ALKBH3: variants seen among roughly 807,000 people sequenced by gnomAD.
ALKBH3 encodes alkB homolog 3, alpha-ketoglutarate dependent dioxygenase, also known as alpha-ketoglutarate-dependent dioxygenase alkB homolog 3.
In ALKBH3, 51 loss-of-function variants were observed where a neutral mutation model predicts 43.9. That is an observed-to-expected ratio of 1.16 (90% CI 0.93 to 1.47). ALKBH3 has a LOEUF of 1.47. Among genes scored for constraint, ALKBH3 ranks in the 40% most tolerant of loss-of-function variants. The pLI is 0.00. For synonymous variants in ALKBH3, 102 were observed against 115.2 expected (o/e 0.89, Z 0.73); for missense variants, 361 against 351.9 (o/e 1.03, Z -0.21).
chr11:43,918,817 G>A, intron 8 of ALKBH3: 1 of 506,342 alleles, frequency 2.0e-6, no homozygotes, highest in Non-Finnish European at 3.5e-6. Flanking sequence ...GCCCTAGGTG[G>A]CAGTCACTGT....
Position 43,920,078 on chromosome 11 carries a change from A to C in ALKBH3, c.*68A>C. 2 of 1,413,102 alleles carry C rather than the reference A, an allele frequency of 1.4e-6. No individual in the cohort carries two copies. The highest frequency in any genetic ancestry group is 2.0e-6 in the Non-Finnish European group (2 of 1,002,114). The allele number at this position is 1,413,102 out of a possible 1,614,324, so 87.5% of individuals were successfully genotyped here. On this transcript the variant is annotated 3_prime_UTR_variant, in exon 10 of 10. Transcript: ENST00000302708. Reference sequence around the variant, plus strand: ...CCTTCCACTGAGAAGCCACTTCAAGAGGCTGGTGCTGCTAGATCTCATGAT... The same window carrying C: ...CCTTCCACTGAGAAGCCACTTCAAGCGGCTGGTGCTGCTAGATCTCATGAT...
At chr11:43,883,956 A>G (rs777972847) in intron 3 of ALKBH3, 27 bp from the exon 4 acceptor site, 1 of 1,613,190 alleles carries the variant, frequency 6.2e-7, no homozygotes, top group Non-Finnish European at 8.5e-7. Context: ...AACATCCCAG[A>G]AGTAAGATCC....
At chr11:43,883,268 A>C in intron 3 of ALKBH3, 80 bp downstream of exon 3, 1 of 952,766 alleles carries the variant, frequency 1.0e-6, no homozygotes, top group Non-Finnish European at 1.6e-6. Context: ...ACTCAAATAA[A>C]TAATGACTGA....
chr11:43,899,845 C>T (rs1037540209), intron 7 of ALKBH3, among the ~76,000 whole-genome samples: 7 of 144,862 alleles, frequency 4.8e-5, no homozygotes, highest in African/African-American at 1.8e-4. Context: ...AGTTTCTATA[C>T]CAATTAAAAG....
intron 7 of ALKBH3, chr11:43,899,385 C>G: frequency 1.4e-6 from 1 of 702,402 alleles, no homozygotes; most frequent in Non-Finnish European, 2.7e-6. Flanking sequence ...GATGTGCTCG[C>G]GTCCCTGCAG....
intron 4 of ALKBH3, among the ~76,000 whole-genome samples, chr11:43,885,680 A>C (rs1231171456): frequency 1.3e-5 from 2 of 152,208 alleles, no homozygotes; most frequent in African/African-American, 4.8e-5. Context: ...AAATTTAGTA[A>C]ACCTTTATTG....
intron 7 of ALKBH3, among the ~76,000 whole-genome samples, chr11:43,893,623 G>T (rs191229059): frequency 5.3e-4 from 80 of 152,228 alleles, no homozygotes; most frequent in Admixed American, 1.4e-3. Context: ...TATACCTAGA[G>T]AATCTTTTTT....
intron 9 of ALKBH3, chr11:43,919,555 A>C (rs1196069225): frequency 7.0e-6 from 2 of 287,248 alleles, no homozygotes; most frequent in Non-Finnish European, 1.3e-5. Context: ...GATCATTTCT[A>C]AGGTGCACAT....
chr11:43,917,553 A>C (rs2135209061), intron 8 of ALKBH3, among the ~76,000 whole-genome samples: 1 of 152,300 alleles, frequency 6.6e-6, no homozygotes, highest in South Asian at 2.1e-4. Context: ...ATACAGCCTA[A>C]ATTAAGGAGC....
intron 7 of ALKBH3, among the ~76,000 whole-genome samples, chr11:43,900,415 G>C (rs890044565): frequency 6.6e-6 from 1 of 151,288 alleles, no homozygotes; most frequent in Non-Finnish European, 1.5e-5. Flanking sequence ...GTAGAGACAG[G>C]GTTTCACCAT....
intron 6 of ALKBH3, 72 bp downstream of exon 6, chr11:43,889,900 C>T (rs781290369): frequency 4.7e-5 from 59 of 1,261,844 alleles, no homozygotes; most frequent in Non-Finnish European, 6.2e-5. Context: ...AGTACCATCA[C>T]TTCTGCTCAC....
Position 43,901,721 on chromosome 11 carries a change from C to T in ALKBH3, c.665C>T (p.Pro222Leu). The T allele has an allele frequency of 6.2e-7, 1 of 1,614,122 alleles. No homozygotes were observed. The highest frequency in any genetic ancestry group is 1.1e-5 in the South Asian group (1 of 91,064). Residue 222 changes from proline to leucine, a missense_variant, in exon 8 of 10, where the codon CCA becomes CTA. Physicochemically the swap from Pro to Leu is moderately conservative, Grantham distance 98. Coordinates refer to ENST00000302708, the MANE Select transcript of ALKBH3 (RefSeq NM_139178.4). The stretch of plus-strand genomic sequence containing the variant: ...ACATTTGAGATGAGAAAGAAGCCAC[C>T]ACCAGTGAGTATTCTCTTTTTCTTA... ...TRTFEMRKKP[P>L]PEENGDYTYV...
intron 4 of ALKBH3, among the ~76,000 whole-genome samples, chr11:43,884,268 A>G (rs1164629444): frequency 2.0e-5 from 3 of 149,482 alleles, no homozygotes; most frequent in Admixed American, 6.7e-5. Context: ...TCCTGGCCCT[A>G]TTTCACCGAT....
At chr11:43,887,840 G>A (rs188925735) in intron 5 of ALKBH3, among the ~76,000 whole-genome samples, 13 of 151,766 alleles carry the variant, frequency 8.6e-5, no homozygotes, top group African/African-American at 2.9e-4. Context: ...TCAAGCTGGA[G>A]TGCAGTGGCG....
At chr11:43,887,465 G>A (rs1742988660) in intron 5 of ALKBH3, among the ~76,000 whole-genome samples, 1 of 151,994 alleles carries the variant, frequency 6.6e-6, no homozygotes, top group South Asian at 2.1e-4. Context: ...GTGCCACCAA[G>A]CCTGGCTACT....
chr11:43,895,132 T>C (rs1429267354), intron 7 of ALKBH3, among the ~76,000 whole-genome samples: 1 of 152,208 alleles, frequency 6.6e-6, no homozygotes, highest in Non-Finnish European at 1.5e-5. Context: ...CTGACAACCA[T>C]GGGATATACT....
Position 43,919,904 on chromosome 11 carries a change from G to A in ALKBH3, c.769-14G>A, listed in dbSNP as rs565990401. 399 of 1,609,322 alleles carry A rather than the reference G, an allele frequency of 2.5e-4. 2 individuals carry two copies. In the South Asian group the frequency reaches 4.2e-3, roughly 17 times the overall value. On this transcript the variant is annotated splice_polypyrimidine_tract_variant and intron_variant, in intron 9 of 9. Transcript: ENST00000302708. ...GTGTGTATTTATGTCAGAGTTATGT[G>A]TATTTCCATTTAGCATCGAGTGCCC...
At chr11:43,914,378 G>T (rs1242241609) in intron 8 of ALKBH3, among the ~76,000 whole-genome samples, 1 of 152,156 alleles carries the variant, frequency 6.6e-6, no homozygotes, top group Non-Finnish European at 1.5e-5. Flanking sequence ...GATATAGAGT[G>T]CCTGATGTGC....
intron 2 of ALKBH3, 81 bp from the exon 3 acceptor site, chr11:43,883,004 G>C (rs1442575978): frequency 6.3e-6 from 7 of 1,104,092 alleles, no homozygotes; most frequent in Non-Finnish European, 9.4e-6. Context: ...TCTCCAAGTG[G>C]GCTTTATTGG....
Sources: allele counts gnomAD v4.1 joint callset (sites outside exome capture counted in the v4.1 genomes callset), GRCh38; gene constraint gnomAD v4.1.1; transcripts MANE v1.5; gene names NCBI Gene and HGNC (gene_info 2026-07-23, HGNC 2026-07-21).